Variants in LRP1B observed in about 807,000 individuals in gnomAD.
LRP1B encodes low-density lipoprotein receptor-related protein 1B.
Under a neutral mutation model 556.6 loss-of-function variants are expected in LRP1B, and 217 were observed. The observed-to-expected ratio is 0.39, with a 90% confidence interval of 0.35 to 0.44. The LOEUF (loss-of-function observed/expected upper bound fraction) is 0.44. Among genes scored for constraint, LRP1B ranks in the 20% least tolerant of loss-of-function variants. The pLI is 1.00. For synonymous variants in LRP1B, 2,047 were observed against 1,865.8 expected, an observed-to-expected ratio of 1.10 and a Z score of -2.50; for missense variants, 5,053 against 5,620.8, an observed-to-expected ratio of 0.90 and a Z score of 3.23.
chr2:141,624,032 T>TAAAAAAAAAAAAAAAAAAAAAAAA (rs761446527), intron 2 of LRP1B, among the ~76,000 whole-genome samples: 4 of 14,440 alleles, frequency 2.8e-4, no homozygotes, highest in Non-Finnish European at 6.9e-4. Context: ...AAAAAAAAAT[T>TAAAAAAAAAAAAAAAAAAAAAAAA]AAACAAAAAA....
At chr2:140,290,378 C>G (rs1021073650) in intron 84 of LRP1B, among the ~76,000 whole-genome samples, 5 of 151,924 alleles carry the variant, frequency 3.3e-5, no homozygotes, top group Non-Finnish European at 5.9e-5. Context: ...CTGCATTAAT[C>G]CAGACAAGGG....
At chr2:141,202,872 C>T (rs1682099250) in intron 6 of LRP1B, among the ~76,000 whole-genome samples, 1 of 152,026 alleles carries the variant, frequency 6.6e-6, no homozygotes, top group African/African-American at 2.4e-5. Context: ...AACGTTATTG[C>T]TCCCCTAACC....
intron 31 of LRP1B, among the ~76,000 whole-genome samples, chr2:140,820,664 A>G (rs1691295087): frequency 6.6e-6 from 1 of 152,190 alleles, no homozygotes; most frequent in Non-Finnish European, 1.5e-5. Flanking sequence ...ATAATTTTCC[A>G]AAACTATATT....
At position 141,055,180 on chromosome 2, in the gene LRP1B, G is replaced by C. The variant is rs2105455900; in HGVS notation, c.1488C>G (p.Tyr496Ter). The change falls in exon 10 of 91, where the codon TAC becomes TAG. Residue 496 changes from tyrosine (Y) to a stop codon, truncating the protein, a stop_gained. Coordinates refer to ENST00000389484, the MANE Select transcript of LRP1B (RefSeq NM_018557.3). LOFTEE classifies it high-confidence loss of function. ...CSHICLLSSS[Y>*]KTRTCRCRTG... ...TCCTGCAGCGACAAGTCCGAGTTTT[G>C]TAACTGCTGCTGAGTAGACAGATGT... The C allele has an allele frequency of 6.2e-7, 1 of 1,612,436 alleles. No individual in the cohort carries two copies. The highest frequency in any genetic ancestry group is 8.5e-7 in the Non-Finnish European group (1 of 1,179,094).
intron 2 of LRP1B, among the ~76,000 whole-genome samples, chr2:141,715,402 T>A (rs191480809): frequency 2.1e-4 from 32 of 151,570 alleles, no homozygotes; most frequent in African/African-American, 7.5e-4. Flanking sequence ...GCCAGGGAAG[T>A]CAAGGCTGCA....
intron 41 of LRP1B, among the ~76,000 whole-genome samples, chr2:140,612,582 C>T (rs1280849783): frequency 6.6e-6 from 1 of 152,110 alleles, no homozygotes; most frequent in Non-Finnish European, 1.5e-5. Context: ...GGTATGCATC[C>T]TCTCTCATCT....
chr2:140,525,253 C>A (rs1690381248), intron 49 of LRP1B, among the ~76,000 whole-genome samples: 1 of 151,466 alleles, frequency 6.6e-6, no homozygotes, highest in African/African-American at 2.4e-5. Context: ...TTTTTAATTT[C>A]ATGTCCTCAA....
intron 83 of LRP1B, among the ~76,000 whole-genome samples, chr2:140,309,741 T>C (rs575074248): frequency 3.6e-4 from 54 of 151,954 alleles, no homozygotes; most frequent in African/African-American, 1.3e-3. Context: ...TAGTGGCATA[T>C]CTGGAAAATA....
chr2:142,051,929 T>C (rs555368227), intron 1 of LRP1B, among the ~76,000 whole-genome samples: 1 of 152,270 alleles, frequency 6.6e-6, no homozygotes, highest in East Asian at 1.9e-4. Flanking sequence ...TGAAAATCAG[T>C]ATATGTGTTC....
At chr2:140,536,838 G>A (rs1012865919) in intron 45 of LRP1B, 129 bp from the exon 46 acceptor site, 7 of 735,264 alleles carry the variant, frequency 9.5e-6, no homozygotes, top group Admixed American at 6.1e-5. Context: ...CAATTAAAGA[G>A]CAATGGTTTA....
At chr2:140,725,528 C>T (rs1274940238) in intron 35 of LRP1B, among the ~76,000 whole-genome samples, 1 of 128,110 alleles carries the variant, frequency 7.8e-6, no homozygotes, top group Non-Finnish European at 1.6e-5. Flanking sequence ...CACACCGGGG[C>T]CTGTCATGGG....
At chr2:141,103,157 A>C (rs1032893204) in intron 7 of LRP1B, among the ~76,000 whole-genome samples, 3 of 152,116 alleles carry the variant, frequency 2.0e-5, no homozygotes, top group Non-Finnish European at 2.9e-5. Flanking sequence ...TGCCAAAAAA[A>C]AAAGGTAACT....
intron 3 of LRP1B, among the ~76,000 whole-genome samples, chr2:141,419,328 T>C (rs1680057065): frequency 6.6e-6 from 1 of 152,178 alleles, no homozygotes; most frequent in Non-Finnish European, 1.5e-5. Flanking sequence ...AAAGTTTTGC[T>C]GTGGAATCAT....
At chr2:140,925,847 C>T (rs1326253879) in intron 20 of LRP1B, among the ~76,000 whole-genome samples, 9 of 152,096 alleles carry the variant, frequency 5.9e-5, no homozygotes, top group Non-Finnish European at 1.0e-4. Context: ...AACTCAATTA[C>T]ATTAGCACCT....
chr2:141,861,101 G>A (rs1463556302), intron 1 of LRP1B, among the ~76,000 whole-genome samples: 3 of 152,110 alleles, frequency 2.0e-5, no homozygotes, highest in Non-Finnish European at 4.4e-5. Context: ...AAGTTCTAGA[G>A]TAGTAAAAAT....
chr2:140,933,447 A>T lies in LRP1B; in HGVS notation c.3137-10300T>A, dbSNP rs549672764. On this transcript the variant is annotated intron_variant, in intron 20 of 90. Transcript: ENST00000389484. ...TTGTTTATTTTTTGCTGAATGCCTG[A>T]AATCCTACAGTTTAATAGTCATTAA... Among the ~76,000 whole-genome samples, 18 of 152,212 alleles carry T rather than the reference A, an allele frequency of 1.2e-4. No individual in the cohort carries two copies. The East Asian group carries it at 3.3e-3, about 28-fold the overall frequency.
chr2:140,436,283 C>G (rs1686176850), intron 66 of LRP1B, among the ~76,000 whole-genome samples: 1 of 151,878 alleles, frequency 6.6e-6, no homozygotes, highest in African/African-American at 2.4e-5. Flanking sequence ...AGAAATATAC[C>G]AGAAGTTAAA....
At chr2:140,788,351 T>G (rs1032225030) in intron 32 of LRP1B, among the ~76,000 whole-genome samples, 8 of 152,230 alleles carry the variant, frequency 5.3e-5, no homozygotes, top group African/African-American at 1.9e-4. Flanking sequence ...GTATCATGGA[T>G]GGATTTGCAC....
chr2:142,112,391 T>G (rs181841646), intron 1 of LRP1B, among the ~76,000 whole-genome samples: 27 of 151,854 alleles, frequency 1.8e-4, no homozygotes, highest in South Asian at 4.2e-4. Context: ...CAACCAAATA[T>G]AATGTGTGAT....
Sources: gnomAD v4.1 joint callset for allele counts (sites outside exome capture counted in the v4.1 genomes callset) on GRCh38, gnomAD v4.1.1 for gene constraint, MANE v1.5 for transcripts, NCBI Gene and HGNC (gene_info 2026-07-23, HGNC 2026-07-21) for gene names.